Variants in MARCHF1 observed in about 807,000 individuals in gnomAD.
MARCHF1 encodes E3 ubiquitin-protein ligase MARCHF1.
MARCHF1 carries 40 observed loss-of-function variants against 54.2 expected under a neutral mutation model. That is an observed-to-expected ratio of 0.74 (90% CI 0.57 to 0.96). MARCHF1 has a LOEUF of 0.96. Ranked by LOEUF, MARCHF1 falls within the 40% of genes least tolerant of loss-of-function variation. MARCHF1 has a pLI of 0.00. For missense variants in MARCHF1, 586 were observed against 656.5 expected (o/e 0.89, Z 1.17); for synonymous variants, 236 against 236.3 (o/e 1.00, Z 0.01).
At chr4:163,602,387 C>T (rs1741001183) in intron 7 of MARCHF1, among the ~76,000 whole-genome samples, 2 of 151,996 alleles carry the variant, frequency 1.3e-5, no homozygotes, top group South Asian at 4.1e-4. Flanking sequence ...TTGCAAAGCA[C>T]ATATCATTTT....
intron 4 of MARCHF1, among the ~76,000 whole-genome samples, chr4:163,798,045 A>G (rs1747970200): frequency 6.6e-6 from 1 of 152,180 alleles, no homozygotes; most frequent in African/African-American, 2.4e-5. Flanking sequence ...GGTGCTATGG[A>G]CTGAACTGTG....
chr4:164,156,427 T>A (rs1730079273), intron 1 of MARCHF1, among the ~76,000 whole-genome samples: 1 of 152,030 alleles, frequency 6.6e-6, no homozygotes, highest in Non-Finnish European at 1.5e-5. Flanking sequence ...TGTGTTTTTT[T>A]AATTTTTATT....
At chr4:164,198,767 T>C (rs986344221) in intron 1 of MARCHF1, among the ~76,000 whole-genome samples, 13 of 152,154 alleles carry the variant, frequency 8.5e-5, no homozygotes, top group Non-Finnish European at 1.8e-4. Flanking sequence ...GAATTGGGAA[T>C]AGAAGTATCA....
intron 2 of MARCHF1, among the ~76,000 whole-genome samples, chr4:164,039,290 T>C (rs141278099): frequency 6.8e-4 from 103 of 152,284 alleles, no homozygotes; most frequent in African/African-American, 2.4e-3. Context: ...AACTTGACAC[T>C]CCTTATGGAA....
At chr4:164,110,687 GA>G (rs1454570583) in intron 2 of MARCHF1, among the ~76,000 whole-genome samples, 3 of 137,588 alleles carry the variant, frequency 2.2e-5, no homozygotes, top group Non-Finnish European at 3.1e-5. Context: ...TTTCTCTTGT[GA>G]AAAAAAGTCT....
chr4:163,606,512 G>A (rs1741147781), intron 7 of MARCHF1, among the ~76,000 whole-genome samples: 1 of 152,010 alleles, frequency 6.6e-6, no homozygotes, highest in Non-Finnish European at 1.5e-5. Flanking sequence ...AAAGATAACT[G>A]TGGACCAGAC....
chr4:163,782,116 GAAA>G (rs11311345), intron 4 of MARCHF1, among the ~76,000 whole-genome samples: 9 of 149,210 alleles, frequency 6.0e-5, no homozygotes, highest in African/African-American at 2.2e-4. Flanking sequence ...TAACTGCCCA[GAAA>G]AAAAAAAAAT....
At chr4:163,822,499 C>T (rs1748721079) in intron 4 of MARCHF1, among the ~76,000 whole-genome samples, 1 of 151,894 alleles carries the variant, frequency 6.6e-6, no homozygotes, top group South Asian at 2.1e-4. Context: ...GTACACTTCA[C>T]ATACGATTCT....
intron 1 of MARCHF1, among the ~76,000 whole-genome samples, chr4:164,150,495 C>G (rs1729904456): frequency 6.6e-6 from 1 of 152,092 alleles, no homozygotes; most frequent in African/African-American, 2.4e-5. Flanking sequence ...GCAGCAAAGT[C>G]TAATTGGAAA....
intron 1 of MARCHF1, among the ~76,000 whole-genome samples, chr4:164,203,724 G>C (rs1731521184): frequency 6.6e-6 from 1 of 152,134 alleles, no homozygotes; most frequent in South Asian, 2.1e-4. Flanking sequence ...CGTCACTGAA[G>C]GACTTTGAAA....
At chr4:163,964,606 T>G (rs1357262981) in intron 3 of MARCHF1, among the ~76,000 whole-genome samples, 1 of 152,020 alleles carries the variant, frequency 6.6e-6, no homozygotes, top group Non-Finnish European at 1.5e-5. Flanking sequence ...CTAGGACTGT[T>G]GGTCAAAAAT....
intron 4 of MARCHF1, among the ~76,000 whole-genome samples, chr4:163,708,415 TAAAAC>T (rs1419090845): frequency 6.6e-6 from 1 of 152,098 alleles, no homozygotes; most frequent in African/African-American, 2.4e-5. Flanking sequence ...TTATCTGTGT[TAAAAC>T]AAAAGGCATC....
At chr4:164,140,971 C>T (rs1756518695) in intron 1 of MARCHF1, among the ~76,000 whole-genome samples, 1 of 152,170 alleles carries the variant, frequency 6.6e-6, no homozygotes, top group South Asian at 2.1e-4. Flanking sequence ...GACTGGAAAC[C>T]TATTTGCTAC....
At chr4:164,029,972 A>G (rs1753844509) in intron 2 of MARCHF1, among the ~76,000 whole-genome samples, 1 of 152,232 alleles carries the variant, frequency 6.6e-6, no homozygotes. Flanking sequence ...GGATTCTATC[A>G]TTCATAGATA....
chr4:163,926,021 C>T (rs1037440376), intron 3 of MARCHF1, among the ~76,000 whole-genome samples: 2 of 151,526 alleles, frequency 1.3e-5, no homozygotes, highest in East Asian at 1.9e-4. Context: ...TTATATATAA[C>T]TATATTTTAA....
intron 3 of MARCHF1, among the ~76,000 whole-genome samples, chr4:163,947,125 T>C (rs1752040574): frequency 1.3e-5 from 2 of 152,184 alleles, no homozygotes; most frequent in African/African-American, 4.8e-5. Flanking sequence ...AAGCAATATA[T>C]TGGAAAATTG....
rs200393707 is a variant in MARCHF1, at chr4:164,342,519, TATA to T, written c.-323+41348_-323+41350del. The stretch of plus-strand genomic sequence containing the variant: ...TGCACATGTACCCTAAAACTTAAAG[TATA>T]ATAATAATAATAATAAAAAAATATT... On this transcript the variant is annotated intron_variant, in intron 1 of 9. Transcript: ENST00000514618. Among the ~76,000 whole-genome samples the T allele has an allele frequency of 1.0e-3, 150 of 146,684 alleles. 2 individuals are homozygous for T. Among genetic ancestry groups the T allele is most frequent in the Middle Eastern group, 3.4e-3 (1 of 290 alleles).
intron 4 of MARCHF1, among the ~76,000 whole-genome samples, chr4:163,795,989 C>T (rs1747902484): frequency 6.6e-6 from 1 of 152,120 alleles, no homozygotes; most frequent in Non-Finnish European, 1.5e-5. Context: ...ATTTACTATT[C>T]ATTAAATGGA....
At chr4:163,624,429 A>G (rs1741797741) in intron 5 of MARCHF1, among the ~76,000 whole-genome samples, 2 of 152,272 alleles carry the variant, frequency 1.3e-5, no homozygotes, top group African/African-American at 4.8e-5. Context: ...CTGCTGTACT[A>G]TACCTTTTAT....
Sources: gnomAD v4.1 joint callset for allele counts (sites outside exome capture counted in the v4.1 genomes callset) on GRCh38, gnomAD v4.1.1 for gene constraint, MANE v1.5 for transcripts, NCBI Gene and HGNC (gene_info 2026-07-23, HGNC 2026-07-21) for gene names.